FTCDNL1: variants seen among roughly 807,000 people sequenced by gnomAD.
FTCDNL1 encodes formiminotransferase N-terminal subdomain-containing protein.
In FTCDNL1, 11 loss-of-function variants were observed where a neutral mutation model predicts 5.9. The ratio of observed to expected loss-of-function variants is 1.87; its 90% confidence interval spans 1.18 to 3.10. The LOEUF (loss-of-function observed/expected upper bound fraction) is 3.10, where lower values mean the gene tolerates loss of function less well. FTCDNL1 is among the 30% of genes most tolerant of loss of function. The pLI, the probability that FTCDNL1 is intolerant of heterozygous loss-of-function variation, is 0.00. For synonymous variants in FTCDNL1, 58 were observed against 24.8 expected, an observed-to-expected ratio of 2.34 and a Z score of -3.99; for missense variants, 115 against 65.5, an observed-to-expected ratio of 1.76 and a Z score of -2.61.
intron 3 of FTCDNL1, among the ~76,000 whole-genome samples, chr2:199,839,192 G>T (rs1003613381): frequency 6.6e-6 from 1 of 152,086 alleles, no homozygotes; most frequent in Non-Finnish European, 1.5e-5. Context: ...AAGCAACAGG[G>T]TGAAGGGGAC....
chr2:199,802,439 T>C (rs1336285022), intron 3 of FTCDNL1, among the ~76,000 whole-genome samples: 2 of 152,134 alleles, frequency 1.3e-5, no homozygotes, highest in Non-Finnish European at 2.9e-5. Context: ...TAAACTAAAA[T>C]TGCATAAAAT....
chr2:199,815,371 C>T (rs900896434), intron 4 of FTCDNL1, among the ~76,000 whole-genome samples: 2 of 152,164 alleles, frequency 1.3e-5, no homozygotes, highest in African/African-American at 4.8e-5. Flanking sequence ...TCTGCTTCCT[C>T]TCTGGTACTG....
the FTCDNL1 span, among the ~76,000 whole-genome samples, chr2:199,691,758 C>G: frequency 6.6e-6 from 1 of 152,160 alleles, no homozygotes; most frequent in Admixed American, 6.5e-5. Context: ...AAATATAGCT[C>G]TGTGCATTCT....
chr2:199,787,537 G>T (rs1368842370), intron 3 of FTCDNL1, among the ~76,000 whole-genome samples: 1 of 151,958 alleles, frequency 6.6e-6, no homozygotes, highest in Non-Finnish European at 1.5e-5. Context: ...CAGGTTCTCG[G>T]GATTAAGACA....
intron 3 of FTCDNL1, among the ~76,000 whole-genome samples, chr2:199,774,083 C>T (rs1445714660): frequency 3.3e-5 from 5 of 152,184 alleles, no homozygotes; most frequent in Admixed American, 1.3e-4. Context: ...TGAATGTACT[C>T]ATCCTTGGGG....
At chr2:199,671,204 G>A in the FTCDNL1 span, among the ~76,000 whole-genome samples, 1 of 151,402 alleles carries the variant, frequency 6.6e-6, no homozygotes, top group African/African-American at 2.4e-5. Flanking sequence ...GGAGCTCACA[G>A]CCTAGTGAAT....
chr2:199,779,650 T>C (rs1699261852), intron 3 of FTCDNL1, among the ~76,000 whole-genome samples: 1 of 152,140 alleles, frequency 6.6e-6, no homozygotes, highest in African/African-American at 2.4e-5. Flanking sequence ...TGGAGAGCAA[T>C]GTCAGGGGAT....
chr2:199,702,944 GGTGATTGA>G, the FTCDNL1 span, among the ~76,000 whole-genome samples: 1 of 152,110 alleles, frequency 6.6e-6, no homozygotes, highest in African/African-American at 2.4e-5. Flanking sequence ...AATTAAGGAG[GGTGATTGA>G]GTGGGAGGTG....
chr2:199,667,298 C>T, the FTCDNL1 span, among the ~76,000 whole-genome samples: 1 of 152,030 alleles, frequency 6.6e-6, no homozygotes, highest in Non-Finnish European at 1.5e-5. Context: ...TGTGTACAGA[C>T]GACCAAGAAA....
At chr2:199,816,964 C>A (rs1443705466) in intron 4 of FTCDNL1, among the ~76,000 whole-genome samples, 1 of 152,216 alleles carries the variant, frequency 6.6e-6, no homozygotes, top group Non-Finnish European at 1.5e-5. Context: ...GCTGGTGATA[C>A]TGCTTAGCAC....
At chr2:199,683,793 G>A in the FTCDNL1 span, among the ~76,000 whole-genome samples, 4 of 152,230 alleles carry the variant, frequency 2.6e-5, no homozygotes, top group Non-Finnish European at 4.4e-5. Context: ...ATTCCCTGTG[G>A]AAATCCTAAT....
At chr2:199,776,764 AGTTT>A (rs141595177) in intron 3 of FTCDNL1, among the ~76,000 whole-genome samples, 81 of 152,270 alleles carry the variant, frequency 5.3e-4, no homozygotes, top group African/African-American at 1.9e-3. Context: ...GGTACAGAAA[AGTTT>A]GTTAATCACT....
At chr2:199,767,873 G>A (rs1698610061) in intron 3 of FTCDNL1, among the ~76,000 whole-genome samples, 1 of 152,172 alleles carries the variant, frequency 6.6e-6, no homozygotes, top group Non-Finnish European at 1.5e-5. Flanking sequence ...ATAGCAACAG[G>A]AATAGACTAA....
At chr2:199,718,353 C>T in the FTCDNL1 span, among the ~76,000 whole-genome samples, 30 of 152,124 alleles carry the variant, frequency 2.0e-4, no homozygotes, top group Admixed American at 6.6e-5. Flanking sequence ...CCAGTTCCAT[C>T]CATGTTGCTG....
chr2:199,795,172 G>C (rs1428374806), intron 3 of FTCDNL1, among the ~76,000 whole-genome samples: 1 of 152,214 alleles, frequency 6.6e-6, no homozygotes, highest in Non-Finnish European at 1.5e-5. Flanking sequence ...ATAAGTGGTA[G>C]CTGATAAAAT....
the FTCDNL1 span, among the ~76,000 whole-genome samples, chr2:199,724,678 T>A: frequency 6.6e-6 from 1 of 152,170 alleles, no homozygotes; most frequent in African/African-American, 2.4e-5. Context: ...TCAATTTCCA[T>A]GTAGTTGTGT....
the FTCDNL1 span, among the ~76,000 whole-genome samples, chr2:199,743,488 A>G: frequency 5.9e-5 from 9 of 152,246 alleles, no homozygotes; most frequent in African/African-American, 2.2e-4. Flanking sequence ...AGTGGAGAGT[A>G]CATATTCATT....
chr2:199,831,861 G>GA (rs1702393519), intron 3 of FTCDNL1, among the ~76,000 whole-genome samples: 1 of 152,108 alleles, frequency 6.6e-6, no homozygotes, highest in African/African-American at 2.4e-5. Context: ...TGTCTTGATA[G>GA]AAAAAACTAC....
In FTCDNL1 at chr2:199,819,678, G is replaced by A; in HGVS notation, c.291C>T (p.Arg97=). 3 of 702,288 alleles carry A rather than the reference G, an allele frequency of 4.3e-6. No homozygotes were observed. Among genetic ancestry groups the A allele is most frequent in the East Asian group, 5.4e-5 (2 of 37,292 alleles). The allele number at this position is 702,288 out of a possible 1,614,324, so 43.5% of individuals were successfully genotyped here. A position where few individuals can be genotyped will look rare whatever the true frequency, so the allele number is the denominator to read the frequency against. ...LFGEADLPEK[R]SLVQRRKQLG... ...GCTGCTTCCTTCTCTGCACAAGACT[G>A]CGCTTCTCAGGCAGGTCAGCTTCGC... The change falls in exon 4 of 5, where the codon CGC becomes CGT. Residue 97 remains arginine (R), a synonymous_variant. Coordinates refer to ENST00000420128, the MANE Select transcript of FTCDNL1 (RefSeq NM_001363886.2).
Sources: allele counts gnomAD v4.1 joint callset (sites outside exome capture counted in the v4.1 genomes callset), GRCh38; gene constraint gnomAD v4.1.1; transcripts MANE v1.5; gene names NCBI Gene and HGNC (gene_info 2026-07-23, HGNC 2026-07-21).